Variants in CHEK2 observed in about 807,000 individuals in gnomAD.
The protein encoded by CHEK2 is serine/threonine-protein kinase Chk2.
Under a neutral mutation model 69.1 loss-of-function variants are expected in CHEK2, and 71 were observed. The ratio of observed to expected loss-of-function variants is 1.03; its 90% CI spans 0.85 to 1.25. The LOEUF is 1.25. CHEK2 is among the 50% of genes most tolerant of loss of function. The pLI, the probability that CHEK2 is intolerant of heterozygous loss-of-function variation, is 0.00. For missense variants in CHEK2, 664 were observed against 649.6 expected, an observed-to-expected ratio of 1.02 and a Z score of -0.24; for synonymous variants, 189 against 226.9, an observed-to-expected ratio of 0.83 and a Z score of 1.50.
chr22:28,700,050 T>A (rs2052778308), intron 8 of CHEK2, 113 bp from the exon 9 acceptor site: 2 of 726,376 alleles, frequency 2.8e-6, no homozygotes, highest in Non-Finnish European at 4.8e-6. Context: ...TTGACATTTT[T>A]ATTCACTTTT....
At chr22:28,741,255 AAC>A (rs1299070036) in intron 1 of CHEK2, among the ~76,000 whole-genome samples, 2 of 152,146 alleles carry the variant, frequency 1.3e-5, no homozygotes, top group South Asian at 2.1e-4. Context: ...TTTCAAGTGA[AAC>A]ACAATATTTT....
rs6005845 is a variant in CHEK2 at position 28,713,717 on chromosome 22, G to T, written c.684-1700C>A. 3.4e-3 allele frequency among the ~76,000 whole-genome samples: 517 copies of T among 151,430 alleles called. 1 individual carries two copies. The highest frequency in any genetic ancestry group is 0.012 in the African/African-American group (492 of 41,238). ...TTTTTTTGAGATATAGGCTCGATCT[G>T]TCACCCAGGCTGGAGTGCAGTGGCA... is the stretch of plus-strand genomic sequence containing the variant. On this transcript the variant is annotated intron_variant, in intron 5 of 14. Transcript: ENST00000404276.
intron 2 of CHEK2, among the ~76,000 whole-genome samples, chr22:28,733,774 C>T (rs1471834504): frequency 1.3e-5 from 2 of 151,886 alleles, no homozygotes; most frequent in East Asian, 1.9e-4. Context: ...CAAAAATTAG[C>T]CAGGTGTGGT....
rs764449869 is a variant in CHEK2, at chr22:28,695,148, A to G, written c.1354T>C (p.Trp452Arg). The change falls in exon 12 of 15, where the codon TGG becomes CGG. Residue 452 changes from tryptophan (W) to arginine (R), a missense_variant. Trp to Arg is a moderately radical substitution (Grantham distance 101). Coordinates refer to ENST00000404276, the MANE Select transcript of CHEK2 (RefSeq NM_007194.4). The stretch of plus-strand genomic sequence containing the variant: ...ATACCTTTCTCTGAGACTTCTGCCC[A>G]GACTTCAGGAATGAAGTTGTATTTT... ...SGKYNFIPEVWAEVSEKALDL... is the reference protein window; with the variant it reads ...SGKYNFIPEVRAEVSEKALDL... 1 of 1,609,394 alleles carries G rather than the reference A, an allele frequency of 6.2e-7. No homozygotes were observed. Among genetic ancestry groups the G allele is most frequent in the East Asian group, 2.2e-5 (1 of 44,838 alleles).
At position 28,704,289 on chromosome 22, in the gene CHEK2, AT is replaced by A. The variant is rs917122995; in HGVS notation, c.847-724del. Among the ~76,000 whole-genome samples, 33 of 147,658 alleles carry A rather than the reference AT, an allele frequency of 2.2e-4. No homozygotes were observed. The East Asian group carries it at 2.8e-3, about 12-fold the overall frequency. ...TCATGACTTCATACTTAGCACACCT[AT>A]TTTTTTTTTAATTTTTCTTTCTTTT... is the stretch of plus-strand genomic sequence containing the variant. On this transcript the variant is annotated intron_variant, in intron 7 of 14. Transcript: ENST00000404276.
rs1000779026 is a variant in CHEK2, at chr22:28,703,412, C to T, written c.908+93G>A. 6.7e-6 allele frequency: 5 copies of T among 751,504 alleles called. No homozygotes were observed. In the Admixed American group the frequency reaches 8.5e-5, roughly 13 times the overall value. The allele number at this position is 751,504 out of a possible 1,614,324, so 46.6% of individuals were successfully genotyped here. ...ACTACATACATACGTTGAGGCCCCC[C>T]AGGATGAGAAAGGCAAGCCTACATT... On this transcript the variant is annotated intron_variant, in intron 8 of 14. Transcript: ENST00000404276.
In CHEK2 at chr22:28,711,980, T is replaced by A; in HGVS notation, c.721A>T (p.Lys241Ter). ...TTTATGGCTACTTTCTTACATGTTT[T>A]CCTCTCGAAAGCCAGCTTTACCTCT... is the stretch of plus-strand genomic sequence containing the variant. ...CGEVKLAFER[K>*]TCKKVAIKII... The change falls in exon 6 of 15, where the codon AAA becomes TAA. Residue 241 changes from lysine to a stop codon, truncating the protein, a stop_gained. Transcript: ENST00000404276. LOFTEE classifies it high-confidence loss of function. The A allele has an allele frequency of 6.2e-7, 1 of 1,613,992 alleles. No individual in the cohort carries two copies. The highest frequency in any genetic ancestry group is 8.5e-7 in the Non-Finnish European group (1 of 1,179,952).
At chr22:28,730,780 A>T (rs1039449323) in intron 2 of CHEK2, among the ~76,000 whole-genome samples, 2 of 152,012 alleles carry the variant, frequency 1.3e-5, no homozygotes, top group Non-Finnish European at 2.9e-5. Flanking sequence ...ATCGCTTGAA[A>T]CCGGGAGGAG....
intron 1 of CHEK2, among the ~76,000 whole-genome samples, 161 bp downstream of exon 1, chr22:28,741,608 C>T (rs867641386): frequency 1.3e-5 from 2 of 152,026 alleles, no homozygotes; most frequent in Non-Finnish European, 2.9e-5. Context: ...TGAACTTCAC[C>T]TCGAGGATGA....
At chr22:28,695,071 C>T in intron 12 of CHEK2, 56 bp downstream of exon 12, 2 of 1,083,052 alleles carry the variant, frequency 1.8e-6, no homozygotes, top group Non-Finnish European at 2.9e-6. Context: ...AAACTCCCAC[C>T]ACAGCACATA....
chr22:28,705,469 G>C (rs747689785), intron 7 of CHEK2, among the ~76,000 whole-genome samples: 5 of 152,128 alleles, frequency 3.3e-5, no homozygotes, highest in Non-Finnish European at 7.3e-5. Flanking sequence ...TATTCAACCA[G>C]GAAGTACAAT....
intron 13 of CHEK2, among the ~76,000 whole-genome samples, chr22:28,689,995 G>C (rs1414590627): frequency 6.6e-6 from 1 of 152,184 alleles, no homozygotes. Context: ...TGTGGCCTTT[G>C]AGTGCTGGCC....
chr22:28,689,682 T>C (rs1456052037), intron 13 of CHEK2, among the ~76,000 whole-genome samples: 1 of 152,150 alleles, frequency 6.6e-6, no homozygotes, highest in Admixed American at 6.6e-5. Context: ...ACCCAGCAGA[T>C]GCCATACAAA....
In CHEK2 at chr22:28,711,962, CTACT is replaced by C; in HGVS notation, c.735_738del (p.Val246ProfsTer2). ...TTCCTTTTGCTGATGATCTTTATGG[CTACT>C]TTCTTACATGTTTTCCTCTCGAAAG... On this transcript the variant is annotated frameshift_variant, in exon 6 of 15. Transcript: ENST00000404276. LOFTEE classifies it high-confidence loss of function. The C allele has an allele frequency of 1.2e-6, 2 of 1,614,002 alleles. No homozygotes were observed. Among genetic ancestry groups the C allele is most frequent in the South Asian group, 2.2e-5 (2 of 91,074 alleles).
At position 28,687,974 on chromosome 22, in the gene CHEK2, G is replaced by A. The variant is rs200432447; in HGVS notation, c.1555C>T (p.Arg519Ter). The part of the protein sequence containing the change: ...PQVLAQPSTS[R>*]KRPREGEAEG... ...GCTTCCCCTTCACGGGGCCGCTTTC[G>A]ACTAGTAGAAGGCTGAAAATAAAGG... Residue 519 changes from arginine to a stop codon, truncating the protein, a stop_gained, in exon 15 of 15, where the codon CGA becomes TGA. Coordinates refer to ENST00000404276, the MANE Select transcript of CHEK2 (RefSeq NM_007194.4). LOFTEE classifies it high-confidence loss of function. 18 of 1,588,388 alleles carry A rather than the reference G, an allele frequency of 1.1e-5. No homozygotes were observed. The East Asian group carries it at 1.3e-4, about 12-fold the overall frequency.
rs1601738446 is a variant in CHEK2 at position 28,699,865 on chromosome 22, A to G, written c.981T>C (p.Tyr327=). ...GCACAGCCAAGAGCATCTGGTAAAA[A>G]TAGAGCTTGCAGGTAGCTTCTTTCA... is the stretch of plus-strand genomic sequence containing the variant. The part of the protein sequence containing the change: ...KRLKEATCKL[Y]FYQMLLAVQY... Residue 327 remains tyrosine, a synonymous_variant, in exon 9 of 15, where the codon TAT becomes TAC. Coordinates refer to ENST00000404276, the MANE Select transcript of CHEK2 (RefSeq NM_007194.4). 1 of 1,614,028 alleles carries G rather than the reference A, an allele frequency of 6.2e-7. No homozygotes were observed. The highest frequency in any genetic ancestry group is 1.1e-5 in the South Asian group (1 of 91,084).
At chr22:28,702,511 T>A (rs1301999989) in intron 8 of CHEK2, among the ~76,000 whole-genome samples, 1 of 150,862 alleles carries the variant, frequency 6.6e-6, no homozygotes, top group Non-Finnish European at 1.5e-5. Flanking sequence ...GTGCTGGGAT[T>A]ACAGATGTGA....
chr22:28,703,484 T>C, intron 8 of CHEK2, 21 bp downstream of exon 8: 1 of 1,238,470 alleles, frequency 8.1e-7, no homozygotes, highest in Non-Finnish European at 1.2e-6. Context: ...AACAGAAATT[T>C]TTAAAAAGTT....
chr22:28,699,938 C>T lies in CHEK2; in HGVS notation c.909-1G>A, dbSNP rs886039721. ...GTCAAACAGCTCTCCCCCTTCCATC[C>T]TGAAACACAAAGGCAAGGCAAGGGG... On this transcript the variant is annotated splice_acceptor_variant, in intron 8 of 14. Coordinates refer to ENST00000404276, the MANE Select transcript of CHEK2 (RefSeq NM_007194.4). LOFTEE classifies it high-confidence loss of function. 1 of 1,611,910 alleles carries T rather than the reference C, an allele frequency of 6.2e-7. No homozygotes were observed. The highest frequency in any genetic ancestry group is 8.5e-7 in the Non-Finnish European group (1 of 1,178,320).
Sources: allele counts gnomAD v4.1 joint callset (sites outside exome capture counted in the v4.1 genomes callset), GRCh38; gene constraint gnomAD v4.1.1; transcripts MANE v1.5; gene names NCBI Gene and HGNC (gene_info 2026-07-23, HGNC 2026-07-21).